MPPED2: variants seen among roughly 807,000 people sequenced by gnomAD.
MPPED2 encodes metallophosphoesterase domain containing 2.
A neutral mutation model predicts 33.0 loss-of-function variants in MPPED2; 5 were observed. That is an observed-to-expected ratio of 0.15 (90% CI 0.08 to 0.32). The LOEUF (loss-of-function observed/expected upper bound fraction) is 0.32, where lower values mean the gene tolerates loss of function less well. Ranked by LOEUF, MPPED2 falls within the 10% of genes least tolerant of loss-of-function variation. MPPED2 has a pLI of 1.00. For synonymous variants in MPPED2, 136 were observed against 141.9 expected, an observed-to-expected ratio of 0.96 and a Z score of 0.29; for missense variants, 275 against 372.1, an observed-to-expected ratio of 0.74 and a Z score of 2.15.
At chr11:30,498,595 C>T (rs1441523509) in intron 3 of MPPED2, among the ~76,000 whole-genome samples, 1 of 151,354 alleles carries the variant, frequency 6.6e-6, no homozygotes, top group Non-Finnish European at 1.5e-5. Flanking sequence ...TTTCATCGTT[C>T]CCAAGGCATG....
chr11:30,420,639 T>A (rs1267350239), intron 4 of MPPED2, among the ~76,000 whole-genome samples: 1 of 152,176 alleles, frequency 6.6e-6, no homozygotes, highest in Non-Finnish European at 1.5e-5. Flanking sequence ...CTCAGCTAGA[T>A]GCAGTGCTTT....
chr11:30,423,198 A>G (rs1948687176), intron 4 of MPPED2, among the ~76,000 whole-genome samples: 1 of 152,124 alleles, frequency 6.6e-6, no homozygotes, highest in African/African-American at 2.4e-5. Flanking sequence ...CACAAACTTC[A>G]GTGGGGGCTG....
At position 30,505,455 on chromosome 11, in the gene MPPED2, C is replaced by T. The variant is rs191265833; in HGVS notation, c.311-9934G>A. 1.8e-4 allele frequency among the ~76,000 whole-genome samples: 28 copies of T among 152,296 alleles called. No homozygotes were observed. In the East Asian group the frequency reaches 3.3e-3, roughly 18 times the overall value. The stretch of plus-strand genomic sequence containing the variant: ...CTAAATGGGAATCCCTAGTGGTAAC[C>T]GTCCACCTAAATGCAACTCCAATTA... On this transcript the variant is annotated intron_variant, in intron 3 of 6. Transcript: ENST00000358117.
chr11:30,552,006 A>T (rs181780706), intron 2 of MPPED2, among the ~76,000 whole-genome samples: 2 of 152,166 alleles, frequency 1.3e-5, no homozygotes, highest in Non-Finnish European at 2.9e-5. Context: ...ACCTGAACAC[A>T]CTCCTTGATG....
intron 4 of MPPED2, among the ~76,000 whole-genome samples, chr11:30,491,167 T>A (rs1226683413): frequency 6.6e-6 from 1 of 152,212 alleles, no homozygotes; most frequent in African/African-American, 2.4e-5. Context: ...AAGTGGTACC[T>A]ATGGTATAAG....
At chr11:30,461,150 G>A (rs1364394130) in intron 4 of MPPED2, among the ~76,000 whole-genome samples, 1 of 152,178 alleles carries the variant, frequency 6.6e-6, no homozygotes, top group African/African-American at 2.4e-5. Context: ...TTTATATGAG[G>A]CACCTAAAAT....
chr11:30,519,903 G>A (rs1339739871), intron 3 of MPPED2, among the ~76,000 whole-genome samples: 5 of 152,118 alleles, frequency 3.3e-5, no homozygotes, highest in Non-Finnish European at 4.4e-5. Flanking sequence ...AACGACTAGG[G>A]AATAGGATTA....
chr11:30,579,649 G>C (rs1957080029), intron 2 of MPPED2, among the ~76,000 whole-genome samples: 1 of 152,070 alleles, frequency 6.6e-6, no homozygotes, highest in Non-Finnish European at 1.5e-5. Flanking sequence ...ACAATTCCTG[G>C]AACCAACTGT....
rs567631907 is a variant in MPPED2, at chr11:30,447,723, G to A, written c.537-30090C>T. 1.8e-3 allele frequency among the ~76,000 whole-genome samples: 275 copies of A among 152,252 alleles called. 1 individual carries two copies. Among genetic ancestry groups the A allele is most frequent in the African/African-American group, 6.3e-3 (262 of 41,542 alleles). On this transcript the variant is annotated intron_variant, in intron 4 of 6. Transcript: ENST00000358117. ...TAAACAGGGGCAAGTAAGAAAGGCC[G>A]AGTGTGGATTTTGTCCTTTGCTGAT... is the stretch of plus-strand genomic sequence containing the variant.
At chr11:30,394,229 A>G (rs1717776) in intron 6 of MPPED2, among the ~76,000 whole-genome samples, 44,903 of 152,104 alleles carry the variant, frequency 0.3, 7,201 homozygotes, top group Middle Eastern at 0.37. Flanking sequence ...AGATACTATA[A>G]GCATTTGTAT....
intron 3 of MPPED2, among the ~76,000 whole-genome samples, chr11:30,509,507 CT>C (rs946629686): frequency 6.6e-6 from 1 of 152,136 alleles, no homozygotes; most frequent in Non-Finnish European, 1.5e-5. Flanking sequence ...GTTTTCACCC[CT>C]AGGCCTCTCA....
chr11:30,397,858 A>C (rs1274854365), intron 6 of MPPED2, among the ~76,000 whole-genome samples: 1 of 152,158 alleles, frequency 6.6e-6, no homozygotes, highest in Admixed American at 6.5e-5. Context: ...TACCACCATT[A>C]TCATCATCTG....
intron 3 of MPPED2, among the ~76,000 whole-genome samples, chr11:30,533,696 A>G (rs1954659443): frequency 6.6e-6 from 1 of 152,042 alleles, no homozygotes; most frequent in Non-Finnish European, 1.5e-5. Context: ...CAACTTCTCT[A>G]ACCATATCCC....
chr11:30,525,383 C>CT (rs1370580122), intron 3 of MPPED2, among the ~76,000 whole-genome samples: 6 of 152,174 alleles, frequency 3.9e-5, no homozygotes, highest in African/African-American at 1.4e-4. Flanking sequence ...AAGTTGAGAA[C>CT]TTTTTTGTTT....
chr11:30,501,490 A>G (rs1952559340), intron 3 of MPPED2: 1 of 229,970 alleles, frequency 4.3e-6, no homozygotes, highest in Non-Finnish European at 7.2e-6. Flanking sequence ...CGCACAATGT[A>G]TTCCCTTAAC....
intron 2 of MPPED2, among the ~76,000 whole-genome samples, chr11:30,548,182 T>C (rs1405303395): frequency 2.0e-5 from 3 of 151,466 alleles, no homozygotes; most frequent in African/African-American, 7.3e-5. Flanking sequence ...ACTTGCCTCA[T>C]AAGATTGACT....
At chr11:30,405,498 T>C (rs193059652), downstream of MPPED2, among the ~76,000 whole-genome samples, 84 of 152,326 alleles carry the variant, frequency 5.5e-4, no homozygotes, top group Non-Finnish European at 9.0e-4. Flanking sequence ...TATCCAGATA[T>C]AGATGCTGTC....
intron 2 of MPPED2, among the ~76,000 whole-genome samples, chr11:30,542,982 G>C (rs1955210395): frequency 6.6e-6 from 1 of 152,106 alleles, no homozygotes; most frequent in South Asian, 2.1e-4. Context: ...AAAATTATTG[G>C]AATTAGTTGT....
At chr11:30,470,726 A>G (rs1250169732) in intron 4 of MPPED2, among the ~76,000 whole-genome samples, 2 of 152,094 alleles carry the variant, frequency 1.3e-5, no homozygotes, top group Non-Finnish European at 2.9e-5. Context: ...CACTCTTCCC[A>G]GCTAAGGGCC....
Sources: gnomAD v4.1 joint callset for allele counts (sites outside exome capture counted in the v4.1 genomes callset) on GRCh38, gnomAD v4.1.1 for gene constraint, MANE v1.5 for transcripts, NCBI Gene and HGNC (gene_info 2026-07-23, HGNC 2026-07-21) for gene names.